The following SUGCT variants were observed in gnomAD, a reference collection of about 807,000 sequenced individuals.
SUGCT encodes succinyl-CoA:glutarate-CoA transferase.
In SUGCT, 41 loss-of-function variants were observed where a neutral mutation model predicts 55.0. The ratio of observed to expected loss-of-function variants is 0.74; its 90% CI spans 0.58 to 0.97. The LOEUF (loss-of-function observed/expected upper bound fraction) is 0.97. Ranked by LOEUF, SUGCT falls within the 50% of genes least tolerant of loss-of-function variation. SUGCT has a pLI of 0.00. For synonymous variants in SUGCT, 187 were observed against 200.4 expected (o/e 0.93, Z 0.56); for missense variants, 568 against 547.8 (o/e 1.04, Z -0.37).
At chr7:40,473,926 C>T (rs891956318) in intron 11 of SUGCT, among the ~76,000 whole-genome samples, 12 of 151,928 alleles carry the variant, frequency 7.9e-5, no homozygotes, top group African/African-American at 2.4e-4. Context: ...TGTAAAATTT[C>T]TGTCTCATAT....
At chr7:40,416,636 A>G (rs969583609) in intron 9 of SUGCT, among the ~76,000 whole-genome samples, 2 of 151,852 alleles carry the variant, frequency 1.3e-5, no homozygotes, top group African/African-American at 2.4e-5. Context: ...ACAATGCATT[A>G]CTCTTTAGAA....
chr7:40,253,180 A>G (rs1173279004), intron 7 of SUGCT, among the ~76,000 whole-genome samples: 1 of 152,212 alleles, frequency 6.6e-6, no homozygotes, highest in Admixed American at 6.5e-5. Context: ...TGGGGATAAC[A>G]TAACTATTTC....
At position 40,212,092 on chromosome 7, in the gene SUGCT, G is replaced by GT. The variant is rs142996633; in HGVS notation, c.484+17042dup. Among the ~76,000 whole-genome samples the GT allele has an allele frequency of 6.4e-3, 953 of 148,212 alleles. 13 individuals carry two copies. Among genetic ancestry groups the GT allele is most frequent in the African/African-American group, 0.021 (851 of 40,346 alleles). On this transcript the variant is annotated intron_variant, in intron 6 of 13. Transcript: ENST00000335693. ...CTGTAAAGTGCCAGAGAGTAATTCT[G>GT]TTTTTTTTTTAAGACAGGATCTCAC...
chr7:40,834,880 G>A (rs1249915214), intron 13 of SUGCT, among the ~76,000 whole-genome samples: 10 of 152,052 alleles, frequency 6.6e-5, no homozygotes, highest in Non-Finnish European at 7.4e-5. Flanking sequence ...GATAGTATTC[G>A]GGGTCTTCTC....
rs1434829182 is a variant in SUGCT at position 40,630,375 on chromosome 7, A to C, written c.1090-119059A>C. Among the ~76,000 whole-genome samples, 7 of 152,216 alleles carry C rather than the reference A, an allele frequency of 4.6e-5. No homozygotes were observed. The East Asian group carries it at 1.3e-3, about 29-fold the overall frequency. Reference sequence around the variant, plus strand: ...CCATGGCTTGATTAGTTGACATTATAAAATACCTGCTATCTGCTCACAGTC... The same window carrying C: ...CCATGGCTTGATTAGTTGACATTATCAAATACCTGCTATCTGCTCACAGTC... On this transcript the variant is annotated intron_variant, in intron 12 of 13. Coordinates refer to ENST00000335693, the MANE Select transcript of SUGCT (RefSeq NM_001193313.2).
chr7:40,295,473 A>G (rs1040171110), intron 8 of SUGCT, among the ~76,000 whole-genome samples: 1 of 152,126 alleles, frequency 6.6e-6, no homozygotes, highest in Non-Finnish European at 1.5e-5. Context: ...CTACTGGGGT[A>G]GCTGAGGCAG....
At chr7:41,006,102 G>A in the SUGCT span, among the ~76,000 whole-genome samples, 10 of 152,174 alleles carry the variant, frequency 6.6e-5, no homozygotes, top group Non-Finnish European at 1.0e-4. Context: ...TGGCTCCAAA[G>A]CTTTTCAGTA....
At chr7:40,692,366 A>G (rs988459066) in intron 12 of SUGCT, among the ~76,000 whole-genome samples, 2 of 152,208 alleles carry the variant, frequency 1.3e-5, no homozygotes, top group African/African-American at 4.8e-5. Flanking sequence ...TAAGAGGACA[A>G]TGGATTGGGG....
chr7:40,750,465 G>A (rs1346409701), intron 13 of SUGCT, among the ~76,000 whole-genome samples: 1 of 151,920 alleles, frequency 6.6e-6, no homozygotes, highest in South Asian at 2.1e-4. Flanking sequence ...TGGAATTTAG[G>A]TATCTGCCAA....
intron 13 of SUGCT, among the ~76,000 whole-genome samples, chr7:40,791,292 A>G (rs1790297261): frequency 1.3e-5 from 2 of 152,330 alleles, no homozygotes; most frequent in East Asian, 3.9e-4. Flanking sequence ...TGTAAGCTCT[A>G]TCTTTGTAGC....
chr7:40,418,535 C>T (rs377100658), intron 9 of SUGCT, among the ~76,000 whole-genome samples: 1 of 152,116 alleles, frequency 6.6e-6, no homozygotes, highest in Non-Finnish European at 1.5e-5. Flanking sequence ...TGAGTTTGTA[C>T]CAGCTCAAAT....
chr7:40,575,595 G>GA (rs772789990), intron 12 of SUGCT, among the ~76,000 whole-genome samples: 3,478 of 143,670 alleles, frequency 0.024, 46 homozygotes, highest in Non-Finnish European at 0.032. Context: ...ATTTAAATGG[G>GA]AAAAAAAAAA....
In SUGCT at chr7:40,821,685, G is replaced by A. The variant is rs571830737; in HGVS notation, c.1154-38631G>A. On this transcript the variant is annotated intron_variant, in intron 13 of 13. Transcript: ENST00000335693. The stretch of plus-strand genomic sequence containing the variant: ...TCTTTACTAGTCTTGCTAGCGGTCT[G>A]TCAATTTTGTTGATCTTTTCAAAAA... 5.3e-5 allele frequency among the ~76,000 whole-genome samples: 8 copies of A among 152,006 alleles called. No individual in the cohort carries two copies. The South Asian group carries it at 1.7e-3, about 32-fold the overall frequency.
intron 12 of SUGCT, among the ~76,000 whole-genome samples, chr7:40,605,696 A>G (rs1798497106): frequency 6.6e-6 from 1 of 152,228 alleles, no homozygotes; most frequent in African/African-American, 2.4e-5. Context: ...TGCGAGGGAA[A>G]CACAGAGATG....
chr7:40,265,866 G>T (rs1791534838), intron 7 of SUGCT, among the ~76,000 whole-genome samples: 1 of 152,088 alleles, frequency 6.6e-6, no homozygotes, highest in Non-Finnish European at 1.5e-5. Context: ...CAGGAGAATC[G>T]CTTGAACCTA....
intron 12 of SUGCT, chr7:40,499,072 T>C (rs994349346): frequency 6.6e-6 from 3 of 456,580 alleles, no homozygotes; most frequent in African/African-American, 6.0e-5. Context: ...GCTTGGTGCA[T>C]GGAAACGGCC....
intron 1 of SUGCT, among the ~76,000 whole-genome samples, chr7:40,142,038 A>T (rs1026574335): frequency 1.3e-5 from 2 of 152,188 alleles, no homozygotes; most frequent in Non-Finnish European, 2.9e-5. Context: ...TTGGCAGGAA[A>T]AATGGTTATG....
chr7:40,610,543 C>T lies in SUGCT; in HGVS notation c.1089+114157C>T, dbSNP rs191951554. On this transcript the variant is annotated intron_variant, in intron 12 of 13. Transcript: ENST00000335693. ...ATAATACATAAGTCAGAAAAAAATTCTAGGAAAACATTTTGCTAGAAGAGA... is the reference window on the plus strand; with the variant it reads ...ATAATACATAAGTCAGAAAAAAATTTTAGGAAAACATTTTGCTAGAAGAGA... Among the ~76,000 whole-genome samples the T allele has an allele frequency of 1.8e-3, 268 of 152,184 alleles. 1 individual carries two copies. Among genetic ancestry groups the T allele is most frequent in the Non-Finnish European group, 3.0e-3 (206 of 68,026 alleles).
rs139835800 is a variant in SUGCT at position 40,474,111 on chromosome 7, C to T, written c.986+14913C>T. 6.2e-3 allele frequency among the ~76,000 whole-genome samples: 950 copies of T among 152,166 alleles called. 10 individuals are homozygous for T. Among genetic ancestry groups the T allele is most frequent in the Non-Finnish European group, 8.7e-3 (590 of 68,004 alleles). Reference sequence around the variant, plus strand: ...GAATGTTTAATTAATGTCAGGGATACCCATGTTATGCTGAAAAATATAAAT... The same window carrying T: ...GAATGTTTAATTAATGTCAGGGATATCCATGTTATGCTGAAAAATATAAAT... On this transcript the variant is annotated intron_variant, in intron 11 of 13. Coordinates refer to ENST00000335693, the MANE Select transcript of SUGCT (RefSeq NM_001193313.2).
Sources: allele counts gnomAD v4.1 joint callset (sites outside exome capture counted in the v4.1 genomes callset), GRCh38; gene constraint gnomAD v4.1.1; transcripts MANE v1.5; gene names NCBI Gene and HGNC (gene_info 2026-07-23, HGNC 2026-07-21).